Variants in PREX2 observed in about 807,000 individuals in gnomAD.
The protein encoded by PREX2 is phosphatidylinositol-3,4,5-trisphosphate dependent Rac exchange factor 2.
A neutral mutation model predicts 203.2 loss-of-function variants in PREX2; 107 were observed. The ratio of observed to expected loss-of-function variants is 0.53; its 90% CI spans 0.45 to 0.62. The LOEUF (loss-of-function observed/expected upper bound fraction) is 0.62. Ranked by LOEUF, PREX2 falls within the 20% of genes least tolerant of loss-of-function variation. The probability of loss-of-function intolerance (pLI) is 0.00; values close to 1 mark genes in which losing one functional copy is unlikely to be tolerated. For synonymous variants in PREX2, 672 were observed against 663.6 expected, an observed-to-expected ratio of 1.01 and a Z score of -0.19; for missense variants, 1,777 against 1,955.9, an observed-to-expected ratio of 0.91 and a Z score of 1.72.
At chr8:68,105,560 T>C in intron 23 of PREX2, 6 of 1,103,424 alleles carry the variant, frequency 5.4e-6, no homozygotes, top group Non-Finnish European at 6.7e-6. Context: ...CCCTATTCAT[T>C]TCCTTTTCAG....
At chr8:68,191,926 T>C in intron 36 of PREX2, 138 bp downstream of exon 36, 1 of 616,776 alleles carries the variant, frequency 1.6e-6, no homozygotes, top group Non-Finnish European at 2.9e-6. Context: ...TGAGACAGTC[T>C]CTTCTTTATT....
At chr8:68,092,329 T>A (rs1344215600) in intron 20 of PREX2, among the ~76,000 whole-genome samples, 1 of 152,210 alleles carries the variant, frequency 6.6e-6, no homozygotes, top group Non-Finnish European at 1.5e-5. Context: ...AATGGAATGA[T>A]CAAATGTTAA....
chr8:68,186,944 G>A (rs186843074), intron 35 of PREX2, among the ~76,000 whole-genome samples: 34 of 152,038 alleles, frequency 2.2e-4, no homozygotes, highest in Admixed American at 2.2e-3. Flanking sequence ...AATAGTTGAA[G>A]ACTTGTATCA....
chr8:68,030,342 T>C (rs951298359), intron 5 of PREX2, among the ~76,000 whole-genome samples, 155 bp from the exon 6 acceptor site: 2 of 152,224 alleles, frequency 1.3e-5, no homozygotes, highest in African/African-American at 4.8e-5. Flanking sequence ...TACTCATTGA[T>C]TCAAACTTTT....
chr8:68,211,695 A>G (rs373028930), intron 37 of PREX2, among the ~76,000 whole-genome samples: 21 of 152,318 alleles, frequency 1.4e-4, no homozygotes, highest in African/African-American at 3.4e-4. Flanking sequence ...AAGAGGTTCC[A>G]AGATAGTTTG....
chr8:68,167,734 C>CA (rs1811793215), intron 35 of PREX2, among the ~76,000 whole-genome samples: 3 of 152,286 alleles, frequency 2.0e-5, no homozygotes, highest in African/African-American at 7.2e-5. Flanking sequence ...TGGTGTAAAT[C>CA]AATGTCCAGT....
At chr8:68,146,464 A>G in intron 34 of PREX2, 112 bp downstream of exon 34, 2 of 949,310 alleles carry the variant, frequency 2.1e-6, no homozygotes, top group South Asian at 1.7e-5. Context: ...TGAAAATATT[A>G]TTTAGCCAAT....
At chr8:68,054,390 C>A (rs1186790454) in intron 9 of PREX2, among the ~76,000 whole-genome samples, 1 of 89,998 alleles carries the variant, frequency 1.1e-5, no homozygotes, top group African/African-American at 8.6e-5. Context: ...ATAAAAACCC[C>A]CAAACGAGAA....
At chr8:68,108,737 C>T (rs1025777780) in intron 24 of PREX2, among the ~76,000 whole-genome samples, 1 of 152,162 alleles carries the variant, frequency 6.6e-6, no homozygotes, top group African/African-American at 2.4e-5. Flanking sequence ...TTAATTACAG[C>T]TCCCCACGGG....
intron 39 of PREX2, among the ~76,000 whole-genome samples, chr8:68,231,120 T>C (rs559134943): frequency 5.3e-5 from 8 of 152,302 alleles, no homozygotes; most frequent in Non-Finnish European, 8.8e-5. Context: ...TCCACAGCCA[T>C]CAAGCTATGC....
chr8:68,187,095 T>G (rs1356607520), intron 35 of PREX2, among the ~76,000 whole-genome samples: 1 of 150,384 alleles, frequency 6.6e-6, no homozygotes, highest in African/African-American at 2.5e-5. Flanking sequence ...ACCAGCTGTT[T>G]CTGTAGCAAT....
chr8:67,982,795 C>A (rs1055962562), intron 1 of PREX2, among the ~76,000 whole-genome samples: 3 of 152,242 alleles, frequency 2.0e-5, no homozygotes. Context: ...AATGGGATTA[C>A]AGTTTCTTTT....
intron 31 of PREX2, among the ~76,000 whole-genome samples, chr8:68,131,221 T>G (rs895998664): frequency 3.9e-5 from 6 of 152,210 alleles, no homozygotes; most frequent in African/African-American, 1.4e-4. Context: ...TAAATATAAA[T>G]AGGGGATAGG....
intron 11 of PREX2, among the ~76,000 whole-genome samples, chr8:68,066,249 A>G (rs201101709): frequency 6.6e-6 from 1 of 152,156 alleles, no homozygotes; most frequent in African/African-American, 2.4e-5. Flanking sequence ...CAGAAGTAAA[A>G]TTGCTGGATC....
intron 11 of PREX2, among the ~76,000 whole-genome samples, chr8:68,064,749 G>A (rs925819221): frequency 6.6e-6 from 1 of 152,052 alleles, no homozygotes; most frequent in African/African-American, 2.4e-5. Flanking sequence ...TGCTGTCGAG[G>A]TTATTTGTAT....
chr8:68,145,329 A>AGAT (rs1811304402), intron 33 of PREX2, among the ~76,000 whole-genome samples: 1 of 152,176 alleles, frequency 6.6e-6, no homozygotes, highest in South Asian at 2.1e-4. Context: ...AGAATTAAAT[A>AGAT]GATAGATTTA....
At chr8:68,005,188 A>G (rs1230595451) in intron 1 of PREX2, among the ~76,000 whole-genome samples, 1 of 152,098 alleles carries the variant, frequency 6.6e-6, no homozygotes, top group Admixed American at 6.6e-5. Context: ...CGGGCCCAAA[A>G]TGTAGGCAGC....
intron 30 of PREX2, among the ~76,000 whole-genome samples, chr8:68,124,096 G>A (rs956854057): frequency 4.6e-5 from 7 of 152,066 alleles, no homozygotes; most frequent in African/African-American, 1.4e-4. Context: ...TCCTTGGGAC[G>A]CAAAGTTGGT....
chr8:68,102,043 A>G (rs1174652184), intron 23 of PREX2, among the ~76,000 whole-genome samples: 1 of 152,212 alleles, frequency 6.6e-6, no homozygotes, highest in Non-Finnish European at 1.5e-5. Context: ...TAGGTAACTG[A>G]GATCCTAGAA....
Sources: allele counts gnomAD v4.1 joint callset (sites outside exome capture counted in the v4.1 genomes callset), GRCh38; gene constraint gnomAD v4.1.1; transcripts MANE v1.5; gene names NCBI Gene and HGNC (gene_info 2026-07-23, HGNC 2026-07-21).